Variants in POLR1A observed in about 807,000 individuals in gnomAD.
POLR1A encodes DNA-directed RNA polymerase I subunit RPA1.
In POLR1A, 84 loss-of-function variants were observed where a neutral mutation model predicts 205.3. That is an observed-to-expected ratio of 0.41 (90% CI 0.34 to 0.49). The LOEUF (loss-of-function observed/expected upper bound fraction) is 0.49. POLR1A is among the 20% of genes least tolerant of loss of function. POLR1A has a pLI of 0.22. For synonymous variants in POLR1A, 799 were observed against 863.7 expected (o/e 0.93, Z 1.31); for missense variants, 1,645 against 2,204.5 (o/e 0.75, Z 5.08).
In POLR1A at chr2:86,031,330, C is replaced by T; in HGVS notation, c.4578G>A (p.Gln1526=). 1 of 1,546,356 alleles carries T rather than the reference C, an allele frequency of 6.5e-7. No homozygotes were observed. The highest frequency in any genetic ancestry group is 8.7e-7 in the Non-Finnish European group (1 of 1,143,968). The change falls in exon 30 of 34, where the codon CAG becomes CAA. Residue 1526 remains glutamine (Q), a splice_region_variant and synonymous_variant. Coordinates refer to ENST00000263857, the MANE Select transcript of POLR1A (RefSeq NM_015425.6). ...CCCTGGCCTGCACGGCCACACTGAC[C>T]TGGCACCACAGGCTCTCCTCGGTGT... ...QYDTEESLWC[Q]VTVKLPLMKI...
intron 13 of POLR1A, 113 bp downstream of exon 13, chr2:86,069,905 C>A: frequency 8.5e-7 from 1 of 1,176,674 alleles, no homozygotes; most frequent in Non-Finnish European, 1.2e-6. Context: ...CCCTCCATTC[C>A]AGGCGCCCCT....
Position 86,049,140 on chromosome 2 carries a change from G to A in POLR1A, c.2475+20C>T, listed in dbSNP as rs1181057030. 6.2e-7 allele frequency: 1 copy of A among 1,610,584 alleles called. No homozygotes were observed. Among genetic ancestry groups the A allele is most frequent in the Non-Finnish European group, 8.5e-7 (1 of 1,176,812 alleles). The stretch of plus-strand genomic sequence containing the variant: ...CTTCACCCCTCTAGGGCAGGCCACG[G>A]CCTCGAAGTCCCTCCTTACCTGGGG... On this transcript the variant is annotated intron_variant, in intron 17 of 33. Coordinates refer to ENST00000263857, the MANE Select transcript of POLR1A (RefSeq NM_015425.6).
chr2:86,044,401 G>A, intron 21 of POLR1A, 97 bp from the exon 22 acceptor site: 1 of 1,348,072 alleles, frequency 7.4e-7, no homozygotes, highest in Non-Finnish European at 1.0e-6. Flanking sequence ...GGGAAAGGGG[G>A]GCTCCTGTTC....
In POLR1A at chr2:86,098,532, T is replaced by G. The variant is rs1372756279; in HGVS notation, c.432+79A>C. On this transcript the variant is annotated intron_variant, in intron 3 of 33. Coordinates refer to ENST00000263857, the MANE Select transcript of POLR1A (RefSeq NM_015425.6). ...TTCTGATGACTATCGGCATGGTAAC[T>G]AGGACAACATACAAGCATCTCTTGT... 1.3e-5 allele frequency: 18 copies of G among 1,427,018 alleles called. No homozygotes were observed. In the Admixed American group the frequency reaches 3.6e-4, roughly 29 times the overall value. The allele number at this position is 1,427,018 out of a possible 1,614,324, so 88.4% of individuals were successfully genotyped here.
intron 14 of POLR1A, among the ~76,000 whole-genome samples, chr2:86,054,798 G>A (rs1307048519): frequency 6.6e-6 from 1 of 152,230 alleles, no homozygotes; most frequent in Non-Finnish European, 1.5e-5. Context: ...TCAAGCGGCT[G>A]CTCTGCAGAG....
intron 1 of POLR1A, among the ~76,000 whole-genome samples, chr2:86,100,919 G>A (rs1452101234): frequency 1.3e-5 from 2 of 152,124 alleles, no homozygotes; most frequent in Admixed American, 1.3e-4. Context: ...CCAAGGCTCA[G>A]GGAAGTTAGG....
Position 86,045,682 on chromosome 2 carries a change from A to AGC in POLR1A, c.2820_2821insGC (p.Tyr941AlafsTer41), listed in dbSNP as rs1672697611. The AGC allele has an allele frequency of 6.2e-7, 1 of 1,613,204 alleles. No homozygotes were observed. Among genetic ancestry groups the AGC allele is most frequent in the African/African-American group, 1.3e-5 (1 of 74,736 alleles). Reference sequence around the variant, plus strand: ...CCACCAGCCCTGGGGGTGAACTCATAAGGCTCAAAGCAGGGCAGTGACTTG... The same window carrying AGC: ...CCACCAGCCCTGGGGGTGAACTCATAGCAGGCTCAAAGCAGGGCAGTGACTTG... On this transcript the variant is annotated frameshift_variant, in exon 20 of 34. Coordinates refer to ENST00000263857, the MANE Select transcript of POLR1A (RefSeq NM_015425.6). LOFTEE classifies it high-confidence loss of function.
At chr2:86,052,677 T>G (rs1672824097) in intron 16 of POLR1A, 140 bp downstream of exon 16, 1 of 626,496 alleles carries the variant, frequency 1.6e-6, no homozygotes, top group African/African-American at 1.9e-5. Flanking sequence ...ACTGGGGACC[T>G]GGAAAGACTT....
At chr2:86,054,519 A>C (rs1672861478) in intron 14 of POLR1A, among the ~76,000 whole-genome samples, 1 of 152,188 alleles carries the variant, frequency 6.6e-6, no homozygotes. Context: ...ACAAAAAAGA[A>C]CTTCACTGGG....
In POLR1A at chr2:86,043,013, C is replaced by T; in HGVS notation, c.3318G>A (p.Glu1106=). Residue 1106 remains glutamate, a synonymous_variant, in exon 23 of 34, where the codon GAG becomes GAA. Transcript: ENST00000263857. ...GGCTGCGGCCATTGCGGTTTTCACT[C>T]TCAAGTTTCAGGGCTTTCACAGCTT... ...IQEAVKALKL[E]SENRNGRSPG... The T allele has an allele frequency of 4.3e-6, 7 of 1,614,164 alleles. No homozygotes were observed. The highest frequency in any genetic ancestry group is 5.9e-6 in the Non-Finnish European group (7 of 1,180,022).
In POLR1A at chr2:86,081,083, C is replaced by G; in HGVS notation, c.924-105G>C. On this transcript the variant is annotated intron_variant, in intron 8 of 33. Coordinates refer to ENST00000263857, the MANE Select transcript of POLR1A (RefSeq NM_015425.6). ...TGTAGGGAGCACACCCCACCATGCT[C>G]AAAACAACCAACCTTCCTAACCAAC... is the stretch of plus-strand genomic sequence containing the variant. 6.9e-6 allele frequency: 7 copies of G among 1,013,406 alleles called. No homozygotes were observed. The South Asian group carries it at 9.5e-5, about 14-fold the overall frequency. The allele number at this position is 1,013,406 out of a possible 1,614,324, so 62.8% of individuals were successfully genotyped here. A position where few individuals can be genotyped will look rare whatever the true frequency, so the allele number is the denominator to read the frequency against.
rs1380222102 is a variant in POLR1A at position 86,070,895 on chromosome 2, A to G, written c.1612-623T>C. 2.0e-5 allele frequency among the ~76,000 whole-genome samples: 3 copies of G among 152,150 alleles called. No homozygotes were observed. Among genetic ancestry groups the G allele is most frequent in the Non-Finnish European group, 2.9e-5 (2 of 68,024 alleles). On this transcript the variant is annotated intron_variant, in intron 12 of 33. Coordinates refer to ENST00000263857, the MANE Select transcript of POLR1A (RefSeq NM_015425.6). The surrounding 1 kb of genome is among the most constrained non-coding windows in gnomAD (Gnocchi z 4.4). ...TCTTTTGGGAACAGAGTTTGAAAAT[A>G]GCAATTAAAACACTTAAAACACATT...
At chr2:86,084,159 G>A (rs1016337792) in intron 6 of POLR1A, among the ~76,000 whole-genome samples, 49 of 152,130 alleles carry the variant, frequency 3.2e-4, no homozygotes, top group Non-Finnish European at 3.8e-4. Flanking sequence ...CCACCTACTC[G>A]GGAGGCTGAG....
chr2:86,070,268 C>T lies in POLR1A; in HGVS notation c.1616G>A (p.Cys539Tyr), dbSNP rs1444830894. ...AATGTCCCCATTCTTCACATGCCGG[C>T]ACACCTGGGAACAGAGTGGACAGGT... is the stretch of plus-strand genomic sequence containing the variant. ...APKPQGTKIV[C>Y]RHVKNGDILL... Residue 539 changes from cysteine (C) to tyrosine (Y), a missense_variant, in exon 13 of 34, where the codon TGC becomes TAC. Transcript: ENST00000263857. The surrounding 1 kb of genome is among the most constrained non-coding windows in gnomAD (Gnocchi z 4.4). 1.9e-6 allele frequency: 3 copies of T among 1,607,134 alleles called. No individual in the cohort carries two copies. Among genetic ancestry groups the T allele is most frequent in the Admixed American group, 1.7e-5 (1 of 59,794 alleles).
rs1474370787 is a variant in POLR1A, at chr2:86,105,736, C to G, written c.41G>C (p.Gly14Ala). 5 of 1,614,110 alleles carry G rather than the reference C, an allele frequency of 3.1e-6. No individual in the cohort carries two copies. The East Asian group carries it at 6.7e-5, about 22-fold the overall frequency. Reference sequence around the variant, plus strand: ...AGCCGAATACATCCCGAAGGAAATGCCCTGCAGCCGCCGCCAGGGCATGTT... The same window carrying G: ...AGCCGAATACATCCCGAAGGAAATGGCCTGCAGCCGCCGCCAGGGCATGTT... ...SKNMPWRRLQ[G>A]ISFGMYSAEE... The change falls in exon 1 of 34, where the codon GGC becomes GCC. Residue 14 changes from glycine (G) to alanine (A), a missense_variant. Gly to Ala is a moderately conservative substitution (Grantham distance 60). Around this residue, in one of 16 missense-constraint regions of POLR1A, gnomAD observed 330 missense variants for 375.6 expected, o/e 0.88. Coordinates refer to ENST00000263857, the MANE Select transcript of POLR1A (RefSeq NM_015425.6).
At chr2:86,060,304 T>C (rs1226631067) in intron 14 of POLR1A, among the ~76,000 whole-genome samples, 1 of 152,212 alleles carries the variant, frequency 6.6e-6, no homozygotes, top group Admixed American at 6.5e-5. Flanking sequence ...GTGTGAAAGT[T>C]TACAAGCTGA....
chr2:86,028,558 CCA>C lies in POLR1A; in HGVS notation c.4897+34_4897+35del. 6.6e-7 allele frequency: 1 copy of C among 1,503,896 alleles called. No individual in the cohort carries two copies. Among genetic ancestry groups the C allele is most frequent in the Non-Finnish European group, 9.3e-7 (1 of 1,079,496 alleles). The allele number at this position is 1,503,896 out of a possible 1,614,324, so 93.2% of individuals were successfully genotyped here. On this transcript the variant is annotated intron_variant, in intron 32 of 33. Transcript: ENST00000263857. This position sits in a 1 kb window ranked among gnomAD's most constrained non-coding sequence, Gnocchi z 4.5. Reference sequence around the variant, plus strand: ...AGCCTTCTGGTGTCCTGGCTGGTGCCCAGACCTCGGGGTGTTATCTGCAAGCT... The same window carrying C: ...AGCCTTCTGGTGTCCTGGCTGGTGCCGACCTCGGGGTGTTATCTGCAAGCT...
chr2:86,077,811 GCACACACACACACACACACACACA>G (rs56874564), intron 11 of POLR1A, 24 bp downstream of exon 11: 53 of 187,222 alleles, frequency 2.8e-4, no homozygotes, highest in Non-Finnish European at 3.4e-4. Flanking sequence ...ACGCGCGCGC[GCACACACACACACACACACACACA>G]CACACACACA....
Position 86,077,981 on chromosome 2 carries a change from T to C in POLR1A, c.1258A>G (p.Ile420Val). 6.2e-7 allele frequency: 1 copy of C among 1,614,052 alleles called. No individual in the cohort carries two copies. The highest frequency in any genetic ancestry group is 8.5e-7 in the Non-Finnish European group (1 of 1,179,980). ...AACAGGCCTTCTTTCTTCTCCAGGATCTTTATGGAGAAAAAAGGTCATAAA... is the reference window on the plus strand; with the variant it reads ...AACAGGCCTTCTTTCTTCTCCAGGACCTTTATGGAGAAAAAAGGTCATAAA... ...MMDKYPGIRQ[I>V]LEKKEGLFRK... The change falls in exon 11 of 34, where the codon ATC becomes GTC. Residue 420 changes from isoleucine (I) to valine (V), a missense_variant and splice_region_variant. This residue lies in a region of POLR1A where 131 missense variants were observed against 214.5 expected (regional missense o/e 0.61). Transcript: ENST00000263857.
Sources: allele counts gnomAD v4.1 joint callset (sites outside exome capture counted in the v4.1 genomes callset), GRCh38; gene constraint gnomAD v4.1.1; regional missense constraint gnomAD v4.1.1; non-coding constraint Gnocchi (gnomAD v3.1); transcripts MANE v1.5; gene names NCBI Gene and HGNC (gene_info 2026-07-23, HGNC 2026-07-21).